Variants in ANGPT1 observed in about 807,000 individuals in gnomAD.
The protein encoded by ANGPT1 is angiopoietin-1.
A neutral mutation model predicts 62.2 loss-of-function variants in ANGPT1; 17 were observed. The ratio of observed to expected loss-of-function variants is 0.27; its 90% CI spans 0.19 to 0.41. The LOEUF (loss-of-function observed/expected upper bound fraction) is 0.41. Ranked by LOEUF, ANGPT1 falls within the 10% of genes least tolerant of loss-of-function variation. ANGPT1 has a pLI of 1.00. For missense variants in ANGPT1, 478 were observed against 594.9 expected (o/e 0.80, Z 2.04); for synonymous variants, 199 against 198.9 (o/e 1.00, Z 0.00).
intron 1 of ANGPT1, among the ~76,000 whole-genome samples, chr8:107,365,324 C>T (rs887130478): frequency 3.3e-5 from 5 of 152,112 alleles, no homozygotes; most frequent in African/African-American, 1.2e-4. Context: ...GGTGCTCTCC[C>T]CCATGAGAAG....
At chr8:107,452,750 C>T (rs892954069) in intron 1 of ANGPT1, among the ~76,000 whole-genome samples, 8 of 151,934 alleles carry the variant, frequency 5.3e-5, no homozygotes, top group African/African-American at 1.9e-4. Flanking sequence ...AGAGCTTTCT[C>T]ATATCCAAAG....
chr8:107,432,475 T>C (rs1235903447), intron 1 of ANGPT1, among the ~76,000 whole-genome samples: 1 of 152,100 alleles, frequency 6.6e-6, no homozygotes, highest in African/African-American at 2.4e-5. Context: ...CCATCCTGGC[T>C]AACGTAGTGA....
chr8:107,307,683 T>G (rs1814752108), intron 4 of ANGPT1, among the ~76,000 whole-genome samples: 1 of 152,134 alleles, frequency 6.6e-6, no homozygotes. Flanking sequence ...CATATAGATG[T>G]TCACTAAGTT....
At chr8:107,261,743 A>G (rs896337216) in intron 8 of ANGPT1, among the ~76,000 whole-genome samples, 1 of 151,970 alleles carries the variant, frequency 6.6e-6, no homozygotes, top group Non-Finnish European at 1.5e-5. Flanking sequence ...ATGATAGAAT[A>G]TGATAGAGGC....
intron 1 of ANGPT1, among the ~76,000 whole-genome samples, chr8:107,402,611 C>T (rs932225705): frequency 2.0e-5 from 3 of 152,044 alleles, no homozygotes; most frequent in African/African-American, 4.8e-5. Flanking sequence ...TTTTTATACC[C>T]ATTTTACAGA....
At chr8:107,388,024 T>A (rs1563599701) in intron 1 of ANGPT1, among the ~76,000 whole-genome samples, 2 of 122,664 alleles carry the variant, frequency 1.6e-5, no homozygotes, top group Admixed American at 8.5e-5. Flanking sequence ...GCCAGTAATC[T>A]ATATTAATTG....
chr8:107,487,227 G>A (rs1812837066), intron 1 of ANGPT1, among the ~76,000 whole-genome samples: 1 of 152,104 alleles, frequency 6.6e-6, no homozygotes. Context: ...GATCACAGGA[G>A]ACTTTATTAA....
At chr8:107,354,916 C>CTTTT (rs780289972) in intron 1 of ANGPT1, among the ~76,000 whole-genome samples, 6 of 135,930 alleles carry the variant, frequency 4.4e-5, no homozygotes, top group African/African-American at 1.6e-4. Context: ...GATGGTGTTG[C>CTTTT]TTTTTTTTTT....
At chr8:107,472,805 A>G (rs1812398152) in intron 1 of ANGPT1, among the ~76,000 whole-genome samples, 1 of 151,966 alleles carries the variant, frequency 6.6e-6, no homozygotes, top group Non-Finnish European at 1.5e-5. Flanking sequence ...ATATAAGAAC[A>G]TTATGTCTTA....
intron 1 of ANGPT1, among the ~76,000 whole-genome samples, chr8:107,420,685 A>G (rs919348570): frequency 1.3e-5 from 2 of 152,152 alleles, no homozygotes; most frequent in African/African-American, 4.8e-5. Context: ...TCAATCTGTT[A>G]TTTAGGTCAG....
intron 1 of ANGPT1, among the ~76,000 whole-genome samples, chr8:107,366,384 C>T (rs1816273498): frequency 2.0e-5 from 3 of 152,130 alleles, no homozygotes. Context: ...CCAAAAGTTG[C>T]TACTTCAGGG....
intron 1 of ANGPT1, among the ~76,000 whole-genome samples, chr8:107,480,344 C>T (rs1812646321): frequency 6.6e-6 from 1 of 152,042 alleles, no homozygotes. Context: ...TAAAAGAGCC[C>T]TTATTAAAAC....
intron 7 of ANGPT1, among the ~76,000 whole-genome samples, chr8:107,267,503 T>A (rs962357286): frequency 2.0e-5 from 3 of 152,110 alleles, no homozygotes; most frequent in African/African-American, 7.2e-5. Flanking sequence ...TCTTTCCAGA[T>A]CTATTTAAGA....
rs923426620 is a variant in ANGPT1, at chr8:107,251,198, C to T, written c.*657G>A. 1.3e-5 allele frequency: 2 copies of T among 152,072 alleles called. No individual in the cohort carries two copies. Among genetic ancestry groups the T allele is most frequent in the African/African-American group, 4.8e-5 (2 of 41,404 alleles). 9.4% of individuals were successfully genotyped at this position (152,072 alleles called of 1,614,324 possible). A position where few individuals can be genotyped will look rare whatever the true frequency, so the allele number is the denominator to read the frequency against. On this transcript the variant is annotated 3_prime_UTR_variant, in exon 9 of 9. Transcript: ENST00000517746. ...TAATGGAGTTTGTTTCTACCACACA[C>T]TTATTGTCCATGTACTACAGTTCAT...
At chr8:107,443,082 G>T (rs1391421230) in intron 1 of ANGPT1, among the ~76,000 whole-genome samples, 1 of 152,148 alleles carries the variant, frequency 6.6e-6, no homozygotes, top group Non-Finnish European at 1.5e-5. Context: ...GTGTTTGTGT[G>T]TGTGTTCCCC....
At chr8:107,326,876 G>A (rs1314751364) in intron 3 of ANGPT1, among the ~76,000 whole-genome samples, 1 of 152,114 alleles carries the variant, frequency 6.6e-6, no homozygotes, top group Non-Finnish European at 1.5e-5. Flanking sequence ...TGTCTTCTAA[G>A]TTGTTAGACT....
chr8:107,317,199 C>T (rs965801432), intron 4 of ANGPT1, among the ~76,000 whole-genome samples: 11 of 152,270 alleles, frequency 7.2e-5, no homozygotes, highest in Middle Eastern at 3.4e-3. Flanking sequence ...TCCTATCAAA[C>T]CCTAGGTTCC....
chr8:107,302,753 G>A (rs1057213244), intron 5 of ANGPT1, among the ~76,000 whole-genome samples: 1 of 151,892 alleles, frequency 6.6e-6, no homozygotes, highest in Non-Finnish European at 1.5e-5. Flanking sequence ...TGTAAATATG[G>A]AAAGCAAATT....
In ANGPT1 at chr8:107,428,856, T is replaced by C. The variant is rs553816171; in HGVS notation, c.297+68406A>G. 1.6e-3 allele frequency among the ~76,000 whole-genome samples: 242 copies of C among 152,226 alleles called. 1 individual carries two copies. Among genetic ancestry groups the C allele is most frequent in the Non-Finnish European group, 2.8e-3 (189 of 68,040 alleles). The stretch of plus-strand genomic sequence containing the variant: ...CACCCAAAGGTATTATAAAAAGCAT[T>C]CATCCTATTATTGTCTTCTCTTAAA... On this transcript the variant is annotated intron_variant, in intron 1 of 8. Transcript: ENST00000517746.
Sources: gnomAD v4.1 joint callset for allele counts (sites outside exome capture counted in the v4.1 genomes callset) on GRCh38, gnomAD v4.1.1 for gene constraint, MANE v1.5 for transcripts, NCBI Gene and HGNC (gene_info 2026-07-23, HGNC 2026-07-21) for gene names.